Variants in ATG16L2 observed in about 807,000 individuals in gnomAD.
ATG16L2 encodes protein Atg16l2.
A neutral mutation model predicts 84.7 loss-of-function variants in ATG16L2; 77 were observed. That is an observed-to-expected ratio of 0.91 (90% CI 0.76 to 1.10). ATG16L2 has a LOEUF of 1.10. Among genes scored for constraint, ATG16L2 ranks in the 50% least tolerant of loss-of-function variants. The pLI is 0.00. For synonymous variants in ATG16L2, 361 were observed against 342.8 expected (o/e 1.05, Z -0.59); for missense variants, 782 against 817.6 (o/e 0.96, Z 0.53).
intron 5 of ATG16L2, among the ~76,000 whole-genome samples, chr11:72,841,239 C>A (rs1860921869): frequency 7.0e-6 from 1 of 143,744 alleles, no homozygotes; most frequent in African/African-American, 2.6e-5. Flanking sequence ...GAGGCTGAGG[C>A]AGGAGGATCA....
rs755474307 is a variant in ATG16L2 at position 72,816,781 on chromosome 11, C to T, written c.172C>T (p.Gln58Ter). 2 of 1,614,136 alleles carry T rather than the reference C, an allele frequency of 1.2e-6. No individual in the cohort carries two copies. Among genetic ancestry groups the T allele is most frequent in the East Asian group, 2.2e-5 (1 of 44,902 alleles). Residue 58 changes from glutamine to a stop codon, truncating the protein, a stop_gained, in exon 2 of 18, where the codon CAG (glutamine) becomes TAG (stop). Coordinates refer to ENST00000321297, the MANE Select transcript of ATG16L2 (RefSeq NM_033388.2). LOFTEE classifies it high-confidence loss of function. ...ELLDKFSKKL[Q>*]PEPNSVTPTT... The stretch of plus-strand genomic sequence containing the variant: ...GCTGGACAAGTTCTCAAAGAAGCTG[C>T]AGCCGGAGCCAAACAGTGTCACTCC...
At chr11:72,832,160 T>C (rs987597263), downstream of ATG16L2, among the ~76,000 whole-genome samples, 1 of 152,222 alleles carries the variant, frequency 6.6e-6, no homozygotes, top group African/African-American at 2.4e-5. Flanking sequence ...TTCTCCCTCA[T>C]TTCACAGGGT....
In ATG16L2 at chr11:72,824,096, T is replaced by C; in HGVS notation, c.861T>C (p.Cys287=). The C allele has an allele frequency of 6.2e-7, 1 of 1,614,208 alleles. No homozygotes were observed. Among genetic ancestry groups the C allele is most frequent in the Non-Finnish European group, 8.5e-7 (1 of 1,180,022 alleles). Residue 287 remains cysteine (C), a synonymous_variant, in exon 8 of 18, where the codon TGT becomes TGC. Transcript: ENST00000321297. ...ASATSLTLSH[C]VDVVKGLLDF... is the part of the protein sequence containing the mutation. ...CCACCTCCCTGACGCTGTCCCACTGTGTGGATGTGGTGAAGGGGCTTCTGG... is the reference window on the plus strand; with the variant it reads ...CCACCTCCCTGACGCTGTCCCACTGCGTGGATGTGGTGAAGGGGCTTCTGG...
At chr11:72,824,262 A>G in intron 8 of ATG16L2, 140 bp downstream of exon 8, 1 of 1,038,464 alleles carries the variant, frequency 9.6e-7, no homozygotes, top group South Asian at 1.4e-5. Context: ...CCTTGGAGAC[A>G]GGAGCCAGGT....
rs4944806 is a variant in ATG16L2, at chr11:72,822,666, A to G, written c.710+123A>G. The G allele has an allele frequency of 1, 1,351,103 of 1,351,914 alleles. 675,148 individuals are homozygous for G. The highest frequency in any genetic ancestry group is 1 in the East Asian group (39,616 of 39,616). 83.7% of individuals were successfully genotyped at this position (1,351,914 alleles called of 1,614,324 possible). A position where few individuals can be genotyped will look rare whatever the true frequency, so the allele number is the denominator to read the frequency against. On this transcript the variant is annotated intron_variant, in intron 6 of 17. Transcript: ENST00000321297. The surrounding 1 kb of genome is among the most constrained non-coding windows in gnomAD (Gnocchi z 4.2). ...CGTCCTGAGGCCCCCATGTGGTCGG[A>G]GCCCACGAGACACCTGCAGAGGACC...
At chr11:72,816,881 C>A in intron 2 of ATG16L2, 54 bp downstream of exon 2, 5 of 1,461,684 alleles carry the variant, frequency 3.4e-6, no homozygotes, top group Non-Finnish European at 3.8e-6. Flanking sequence ...GGGGCCCTGC[C>A]CCTGCTGCCT....
downstream of ATG16L2, among the ~76,000 whole-genome samples, chr11:72,830,599 G>T (rs558829700): frequency 6.6e-6 from 1 of 152,234 alleles, no homozygotes; most frequent in East Asian, 1.9e-4. Flanking sequence ...CTTCCCGAAG[G>T]GCTGGGATTA....
intron 1 of ATG16L2, 134 bp from the exon 2 acceptor site, chr11:72,816,594 G>A (rs531054955): frequency 8.6e-6 from 6 of 699,808 alleles, no homozygotes; most frequent in Middle Eastern, 3.5e-4. Context: ...CAGGGCAGAG[G>A]CCAGCCTGCC....
At chr11:72,840,876 C>T in intron 5 of ATG16L2, 3 of 1,602,694 alleles carry the variant, frequency 1.9e-6, no homozygotes, top group Non-Finnish European at 2.6e-6. Context: ...CAGAGACTTA[C>T]AGGTCGCAGT....
At chr11:72,817,688 T>C in intron 2 of ATG16L2, 68 bp from the exon 3 acceptor site, 3 of 1,487,210 alleles carry the variant, frequency 2.0e-6, no homozygotes, top group South Asian at 1.1e-5. Flanking sequence ...TCATGTAGCA[T>C]CACTTGGGTG....
chr11:72,816,635 C>A, intron 1 of ATG16L2, 93 bp from the exon 2 acceptor site: 1 of 1,020,856 alleles, frequency 9.8e-7, no homozygotes, highest in Non-Finnish European at 1.5e-6. Context: ...CATCTCTGGG[C>A]TCCTTCAGCC....
chr11:72,823,384 T>A, intron 7 of ATG16L2: 1 of 338,444 alleles, frequency 3.0e-6, no homozygotes, highest in South Asian at 2.4e-5. Context: ...TATGTGTGAA[T>A]ATATAAGCAT....
intron 15 of ATG16L2, 41 bp from the exon 16 acceptor site, chr11:72,828,688 G>T: frequency 6.2e-7 from 1 of 1,612,610 alleles, no homozygotes; most frequent in Non-Finnish European, 8.5e-7. Context: ...GCAGAGACTA[G>T]TGATGACCTC....
intron 15 of ATG16L2, 39 bp downstream of exon 15, chr11:72,828,547 G>C (rs758364386): frequency 6.2e-7 from 1 of 1,612,994 alleles, no homozygotes; most frequent in Non-Finnish European, 8.5e-7. Context: ...GGCCTTTGCT[G>C]GGACAGCTGA....
At position 72,825,293 on chromosome 11, in the gene ATG16L2, TC is replaced by T. The variant is rs1860282896; in HGVS notation, c.997-5del. The T allele has an allele frequency of 6.2e-7, 1 of 1,612,040 alleles. No homozygotes were observed. The highest frequency in any genetic ancestry group is 1.7e-5 in the Admixed American group (1 of 59,960). On this transcript the variant is annotated splice_polypyrimidine_tract_variant and splice_region_variant and intron_variant, in intron 9 of 17. Coordinates refer to ENST00000321297, the MANE Select transcript of ATG16L2 (RefSeq NM_033388.2). ...AGGGCCGGGGCACCAACCTCCCCTT[TC>T]CCCACAGGATGCCCACCTCTCTGAG...
At chr11:72,826,901 C>T in intron 13 of ATG16L2, 78 bp downstream of exon 13, 4 of 1,530,520 alleles carry the variant, frequency 2.6e-6, no homozygotes, top group Non-Finnish European at 3.6e-6. Flanking sequence ...ACCTCACCTG[C>T]TCTCTGGGAG....
At chr11:72,843,487 C>T (rs1412040828) in exon 6 of ATG16L2, 1 of 1,613,886 alleles carries the variant, frequency 6.2e-7, no homozygotes, top group South Asian at 1.1e-5. Flanking sequence ...TCAATCACTT[C>T]TAACACCTCA....
At chr11:72,826,902 T>C in intron 13 of ATG16L2, 79 bp downstream of exon 13, 1 of 1,516,342 alleles carries the variant, frequency 6.6e-7, no homozygotes, top group Non-Finnish European at 9.0e-7. Flanking sequence ...CCTCACCTGC[T>C]CTCTGGGAGT....
chr11:72,826,768 A>G lies in ATG16L2; in HGVS notation c.1311A>G (p.Ala437=), dbSNP rs2135118366. Residue 437 remains alanine, a synonymous_variant, in exon 13 of 18, where the codon GCA becomes GCG. Coordinates refer to ENST00000321297, the MANE Select transcript of ATG16L2 (RefSeq NM_033388.2). ...AATTCAAGCTAACGAGGCACCAGGC[A>G]GTGACTGGGAGCCGCGACCGGACAG... ...AAKFKLTRHQ[A]VTGSRDRTVK... 1 of 1,614,080 alleles carries G rather than the reference A, an allele frequency of 6.2e-7. No homozygotes were observed. Among genetic ancestry groups the G allele is most frequent in the Non-Finnish European group, 8.5e-7 (1 of 1,179,990 alleles).
Sources: allele counts gnomAD v4.1 joint callset (sites outside exome capture counted in the v4.1 genomes callset), GRCh38; gene constraint gnomAD v4.1.1; non-coding constraint Gnocchi (gnomAD v3.1); transcripts MANE v1.5; gene names NCBI Gene and HGNC (gene_info 2026-07-23, HGNC 2026-07-21).